SLCO2B1: variants seen among roughly 807,000 people sequenced by gnomAD.
SLCO2B1 encodes OATP-RP2.
In SLCO2B1, 41 loss-of-function variants were observed where a neutral mutation model predicts 67.3. That is an observed-to-expected ratio of 0.61 (90% CI 0.47 to 0.79). The LOEUF is 0.79. SLCO2B1 is among the 30% of genes least tolerant of loss of function. SLCO2B1 has a pLI of 0.00. For missense variants in SLCO2B1, 837 were observed against 920.1 expected (o/e 0.91, Z 1.17); for synonymous variants, 379 against 381.4 (o/e 0.99, Z 0.07).
chr11:75,188,303 C>A (rs1043097369), intron 8 of SLCO2B1, 65 bp downstream of exon 8: 25 of 1,020,288 alleles, frequency 2.5e-5, no homozygotes, highest in Middle Eastern at 2.0e-4. Context: ...TTGTCAGGAT[C>A]CAGTCCTTCC....
At chr11:75,203,706 G>A (rs970879979) in intron 13 of SLCO2B1, 25 of 382,802 alleles carry the variant, frequency 6.5e-5, no homozygotes, top group Admixed American at 1.2e-4. Flanking sequence ...AGGAACTTGG[G>A]GAGAAACAGA....
chr11:75,164,279 G>A (rs545938583), intron 3 of SLCO2B1, among the ~76,000 whole-genome samples, 179 bp downstream of exon 3: 1 of 152,238 alleles, frequency 6.6e-6, no homozygotes, highest in South Asian at 2.1e-4. Flanking sequence ...CTAGGACTTG[G>A]ACTTGGCTGT....
In SLCO2B1 at chr11:75,196,577, C is replaced by T; in HGVS notation, c.1497C>T (p.Gly499=). Residue 499 remains glycine, a synonymous_variant, in exon 10 of 14, where the codon GGC becomes GGT. Transcript: ENST00000289575. ...AGGCCTGCTCCTGCCCATTGGACGG[C>T]TTTAACCCTGTCTGCGACCCCAGCA... ...CMEACSCPLD[G]FNPVCDPSTR... The T allele has an allele frequency of 6.2e-7, 1 of 1,614,124 alleles. No homozygotes were observed. The highest frequency in any genetic ancestry group is 1.1e-5 in the South Asian group (1 of 91,084).
intron 7 of SLCO2B1, among the ~76,000 whole-genome samples, chr11:75,184,045 A>T (rs3824903): frequency 2.6e-5 from 4 of 151,974 alleles, no homozygotes; most frequent in Non-Finnish European, 5.9e-5. Context: ...GTTCCGCTAG[A>T]GCTGGTGTGC....
At position 75,163,954 on chromosome 11, in the gene SLCO2B1, C is replaced by T; in HGVS notation, c.148-9C>T. 1 of 1,593,718 alleles carries T rather than the reference C, an allele frequency of 6.3e-7. No homozygotes were observed. Among genetic ancestry groups the T allele is most frequent in the Non-Finnish European group, 8.5e-7 (1 of 1,170,532 alleles). ...GCCCACCTCTGCCTGCCTCCGGGTCCCCCCACAGCTGTTCGTTCTGTGCCA... is the reference window on the plus strand; with the variant it reads ...GCCCACCTCTGCCTGCCTCCGGGTCTCCCCACAGCTGTTCGTTCTGTGCCA... On this transcript the variant is annotated splice_polypyrimidine_tract_variant and intron_variant, in intron 2 of 13. Coordinates refer to ENST00000289575, the MANE Select transcript of SLCO2B1 (RefSeq NM_007256.5).
chr11:75,171,025 C>A (rs183060491), intron 6 of SLCO2B1, among the ~76,000 whole-genome samples: 8 of 152,252 alleles, frequency 5.3e-5, no homozygotes, highest in Non-Finnish European at 8.8e-5. Context: ...AAGAGAGAAG[C>A]GGACGGGTTG....
At position 75,164,056 on chromosome 11, in the gene SLCO2B1, G is replaced by C; in HGVS notation, c.241G>C (p.Gly81Arg). The change falls in exon 3 of 14, where the codon GGC becomes CGC. Residue 81 changes from glycine to arginine, a missense_variant. Physicochemically the swap from Gly to Arg is moderately radical, Grantham distance 125. Coordinates refer to ENST00000289575, the MANE Select transcript of SLCO2B1 (RefSeq NM_007256.5). ...SSISTVEKRF[G>R]LSSQTSGLLA... is the part of the protein sequence containing the mutation. ...CATCTCCACAGTGGAGAAGCGCTTC[G>C]GCCTCTCCAGCCAGACGTCGGGGCT... 2.5e-6 allele frequency: 4 copies of C among 1,607,974 alleles called. No individual in the cohort carries two copies. The highest frequency in any genetic ancestry group is 3.4e-6 in the Non-Finnish European group (4 of 1,177,410).
At position 75,205,460 on chromosome 11, in the gene SLCO2B1, CA is replaced by C. The variant is rs1174824426; in HGVS notation, c.*881del. 6.6e-6 allele frequency: 1 copy of C among 152,286 alleles called. No individual in the cohort carries two copies. The highest frequency in any genetic ancestry group is 2.4e-5 in the African/African-American group (1 of 41,478). 9.4% of individuals were successfully genotyped at this position (152,286 alleles called of 1,614,324 possible). ...CTCAGCGCGCACTCACTGATTCCTA[CA>C]CATTGCCAAGATTTCACACATGTGA... On this transcript the variant is annotated 3_prime_UTR_variant, in exon 14 of 14. Coordinates refer to ENST00000289575, the MANE Select transcript of SLCO2B1 (RefSeq NM_007256.5).
intron 7 of SLCO2B1, among the ~76,000 whole-genome samples, chr11:75,179,540 A>G (rs1213449506): frequency 6.6e-6 from 1 of 151,952 alleles, no homozygotes; most frequent in African/African-American, 2.4e-5. Context: ...CCTACATGAG[A>G]TATTTTGAAT....
At chr11:75,196,797 T>C in intron 10 of SLCO2B1, 118 bp downstream of exon 10, 6 of 937,472 alleles carry the variant, frequency 6.4e-6, no homozygotes, top group Non-Finnish European at 9.4e-6. Flanking sequence ...CGTCTCTCTG[T>C]CTCTCTCTGT....
intron 7 of SLCO2B1, 88 bp downstream of exon 7, chr11:75,172,657 T>C (rs1433433958): frequency 4.0e-6 from 5 of 1,251,690 alleles, no homozygotes; most frequent in African/African-American, 1.5e-5. Flanking sequence ...CGGCTGGGCG[T>C]GGTGGCTCAC....
At chr11:75,164,382 A>G (rs779103094) in intron 3 of SLCO2B1, among the ~76,000 whole-genome samples, 1 of 152,092 alleles carries the variant, frequency 6.6e-6, no homozygotes, top group East Asian at 1.9e-4. Flanking sequence ...TGTGTCCTTT[A>G]CCTTTTCAGG....
intron 4 of SLCO2B1, among the ~76,000 whole-genome samples, chr11:75,168,880 A>G (rs898567287): frequency 6.6e-6 from 1 of 152,206 alleles, no homozygotes; most frequent in Non-Finnish European, 1.5e-5. Flanking sequence ...CACCGTTGCT[A>G]TGGCACTTGC....
intron 8 of SLCO2B1, among the ~76,000 whole-genome samples, chr11:75,189,962 GAAA>G (rs561790970): frequency 1.8e-5 from 2 of 113,086 alleles, no homozygotes; most frequent in African/African-American, 3.2e-5. Context: ...ACCCTGTCTG[GAAA>G]AAAAAAAAAA....
chr11:75,203,098 C>T, intron 12 of SLCO2B1, 133 bp downstream of exon 12: 1 of 1,137,282 alleles, frequency 8.8e-7, no homozygotes, highest in Non-Finnish European at 1.3e-6. Flanking sequence ...GGGTGACAGA[C>T]CTGGCCCAGC....
chr11:75,155,526 C>T (rs1254885761), intron 1 of SLCO2B1, among the ~76,000 whole-genome samples: 1 of 152,196 alleles, frequency 6.6e-6, no homozygotes, highest in East Asian at 1.9e-4. Context: ...GGCACAATCT[C>T]GGCTCACTGC....
rs773405640 is a variant in SLCO2B1 at position 75,194,493 on chromosome 11, AC to A, written c.1433+921del. Among the ~76,000 whole-genome samples, 40 of 152,026 alleles carry A rather than the reference AC, an allele frequency of 2.6e-4. No individual in the cohort carries two copies. In the Middle Eastern group the frequency reaches 0.01, roughly 39 times the overall value. ...GGGGCTCAGCTCAGGGCCAAGGAGC[AC>A]CCAGCCCCTCCCCGTCTGTCCCAGG... On this transcript the variant is annotated intron_variant, in intron 9 of 13. Transcript: ENST00000289575.
At chr11:75,176,411 C>A (rs998791457) in intron 7 of SLCO2B1, among the ~76,000 whole-genome samples, 3 of 152,152 alleles carry the variant, frequency 2.0e-5, no homozygotes, top group Non-Finnish European at 2.9e-5. Context: ...CCATAGAGAC[C>A]AGGAGTCTGT....
chr11:75,195,349 C>A lies in SLCO2B1; in HGVS notation c.1434-1165C>A, dbSNP rs904444538. Among the ~76,000 whole-genome samples the A allele has an allele frequency of 3.9e-5, 6 of 152,298 alleles. No individual in the cohort carries two copies. The South Asian group carries it at 1.2e-3, about 32-fold the overall frequency. Reference sequence around the variant, plus strand: ...GATGGGCCCTCAGCTCAGACAGTGCCAGCCTTCCCACTCCCACCCCCACCC... The same window carrying A: ...GATGGGCCCTCAGCTCAGACAGTGCAAGCCTTCCCACTCCCACCCCCACCC... On this transcript the variant is annotated intron_variant, in intron 9 of 13. Coordinates refer to ENST00000289575, the MANE Select transcript of SLCO2B1 (RefSeq NM_007256.5).
Sources: gnomAD v4.1 joint callset for allele counts (sites outside exome capture counted in the v4.1 genomes callset) on GRCh38, gnomAD v4.1.1 for gene constraint, MANE v1.5 for transcripts, NCBI Gene and HGNC (gene_info 2026-07-23, HGNC 2026-07-21) for gene names.